The following SHPRH variants were observed in gnomAD, a reference collection of about 807,000 sequenced individuals.
The protein encoded by SHPRH is SNF2 histone linker PHD RING helicase.
Under a neutral mutation model 202.5 loss-of-function variants are expected in SHPRH, and 106 were observed. The observed-to-expected ratio is 0.52, with a 90% CI of 0.45 to 0.62. SHPRH has a LOEUF of 0.62. Ranked by LOEUF, SHPRH falls within the 20% of genes least tolerant of loss-of-function variation. The pLI is 0.00. For missense variants in SHPRH, 1,710 were observed against 2,020.0 expected (o/e 0.85, Z 2.94); for synonymous variants, 729 against 686.0 (o/e 1.06, Z -0.98).
In SHPRH at chr6:145,950,330, G is replaced by T. The variant is rs1787844956; in HGVS notation, c.916C>A (p.Pro306Thr). The T allele has an allele frequency of 1.2e-6, 2 of 1,613,070 alleles. No homozygotes were observed. Among genetic ancestry groups the T allele is most frequent in the Admixed American group, 3.3e-5 (2 of 59,890 alleles). ...QHPALIPVLR[P>T]YQREAVNWML... ...CAATTGACAGCCTCTCTTTGGTAGG[G>T]TCTCAACACAGGGATCAATGCAGGA... The change falls in exon 4 of 30, where the codon CCC becomes ACC. Residue 306 changes from proline (P) to threonine (T), a missense_variant. Pro to Thr is a conservative substitution (Grantham distance 38). Around this residue, in one of 8 missense-constraint regions of SHPRH, gnomAD observed 459 missense variants for 426.5 expected, o/e 1.08. Coordinates refer to ENST00000275233, the MANE Select transcript of SHPRH (RefSeq NM_001042683.3).
intron 2 of SHPRH, among the ~76,000 whole-genome samples, chr6:145,867,222 A>G (rs1464748469): frequency 6.6e-6 from 1 of 152,176 alleles, no homozygotes; most frequent in Admixed American, 6.5e-5. Flanking sequence ...CATCTTGTTC[A>G]TGAACATTAC....
At chr6:145,962,915 A>T (rs1272392209) in intron 1 of SHPRH, among the ~76,000 whole-genome samples, 3 of 152,210 alleles carry the variant, frequency 2.0e-5, no homozygotes, top group Non-Finnish European at 4.4e-5. Flanking sequence ...CATAAACTTT[A>T]AAAATGCCCT....
intron 11 of SHPRH, 173 bp from the exon 12 acceptor site, chr6:145,935,614 C>A: frequency 1.5e-6 from 1 of 650,034 alleles, no homozygotes; most frequent in Non-Finnish European, 2.5e-6. Context: ...ACTTATTGAG[C>A]ATCTATTCTG....
intron 21 of SHPRH, among the ~76,000 whole-genome samples, chr6:145,920,468 C>CA (rs1383169277): frequency 3.3e-5 from 5 of 152,010 alleles, no homozygotes; most frequent in Admixed American, 6.6e-5. Context: ...CAATTTATGA[C>CA]ATATGAACTG....
At position 145,922,686 on chromosome 6, in the gene SHPRH, T is replaced by C. The variant is rs770266846; in HGVS notation, c.3696A>G (p.Arg1232=). 2 of 1,608,780 alleles carry C rather than the reference T, an allele frequency of 1.2e-6. No individual in the cohort carries two copies. The highest frequency in any genetic ancestry group is 1.7e-6 in the Non-Finnish European group (2 of 1,177,600). Residue 1232 remains arginine, a synonymous_variant, in exon 19 of 30, where the codon CGA becomes CGG. Coordinates refer to ENST00000275233, the MANE Select transcript of SHPRH (RefSeq NM_001042683.3). ...VIESATVCHL[R]PARLPLNCCV... ...ACCAGTTGAGAGGAAGTCTGGCTGG[T>C]CGGAGGTGACAGACTGTTGCAGACT... is the stretch of plus-strand genomic sequence containing the variant.
intron 24 of SHPRH, among the ~76,000 whole-genome samples, chr6:145,912,945 T>C (rs1353548277): frequency 3.9e-5 from 6 of 152,120 alleles, no homozygotes; most frequent in Non-Finnish European, 8.8e-5. Context: ...ACCATGTTTA[T>C]AGACATTATG....
At chr6:145,949,902 A>G (rs1450041338) in intron 4 of SHPRH, among the ~76,000 whole-genome samples, 2 of 152,084 alleles carry the variant, frequency 1.3e-5, no homozygotes, top group African/African-American at 4.8e-5. Context: ...AACATTCACC[A>G]TTACATTGTG....
intron 28 of SHPRH, among the ~76,000 whole-genome samples, chr6:145,892,973 T>C (rs1781695553): frequency 6.6e-6 from 1 of 151,932 alleles, no homozygotes; most frequent in African/African-American, 2.4e-5. Flanking sequence ...AGAAAAAAAT[T>C]GGGACAATTT....
chr6:145,951,414 T>C (rs1470458418), intron 3 of SHPRH, among the ~76,000 whole-genome samples: 1 of 152,024 alleles, frequency 6.6e-6, no homozygotes, highest in Admixed American at 6.6e-5. Flanking sequence ...CCATGTAAAA[T>C]TTCCAAAACT....
intron 25 of SHPRH, chr6:145,905,559 C>A (rs756464848): frequency 6.6e-6 from 1 of 152,112 alleles, no homozygotes; most frequent in Non-Finnish European, 1.5e-5. Context: ...AACATACACA[C>A]ATCCTCCTGT....
chr6:145,919,510 C>T lies in SHPRH; in HGVS notation c.4009-19G>A. The T allele has an allele frequency of 6.2e-7, 1 of 1,610,678 alleles. No individual in the cohort carries two copies. Among genetic ancestry groups the T allele is most frequent in the Non-Finnish European group, 8.5e-7 (1 of 1,178,206 alleles). On this transcript the variant is annotated intron_variant, in intron 21 of 29. Transcript: ENST00000275233. ...GAAGCAACTGAAGGAATAGAAAAGA[C>T]AAACACAGTGGTAAAGCATGTAATT...
At chr6:145,932,272 C>A (rs1292584298) in intron 14 of SHPRH, among the ~76,000 whole-genome samples, 1 of 152,098 alleles carries the variant, frequency 6.6e-6, no homozygotes, top group Non-Finnish European at 1.5e-5. Context: ...TATAACTTTG[C>A]TTCCAGCCAA....
intron 28 of SHPRH, among the ~76,000 whole-genome samples, chr6:145,890,280 CTT>C (rs1314945891): frequency 1.3e-5 from 2 of 152,194 alleles, no homozygotes; most frequent in Non-Finnish European, 2.9e-5. Flanking sequence ...CCTAACCTCT[CTT>C]TGTTATACAA....
chr6:145,940,934 C>G (rs1035763001), intron 10 of SHPRH, 133 bp from the exon 11 acceptor site: 4 of 786,122 alleles, frequency 5.1e-6, no homozygotes, highest in Non-Finnish European at 8.4e-6. Context: ...TTTTATTTAA[C>G]AGTTATCACA....
At chr6:145,927,108 T>C in intron 15 of SHPRH, 81 bp downstream of exon 15, 1 of 1,265,538 alleles carries the variant, frequency 7.9e-7, no homozygotes, top group East Asian at 2.5e-5. Context: ...TTGTTACCAT[T>C]TATCCTCTTA....
At chr6:145,894,655 C>G (rs1285721486) in intron 26 of SHPRH, among the ~76,000 whole-genome samples, 1 of 151,772 alleles carries the variant, frequency 6.6e-6, no homozygotes, top group East Asian at 1.9e-4. Flanking sequence ...CTAAGAAAAT[C>G]CTTAAATGAA....
intron 2 of SHPRH, among the ~76,000 whole-genome samples, chr6:145,865,566 G>A (rs1779740407): frequency 1.3e-5 from 2 of 152,238 alleles, no homozygotes; most frequent in Non-Finnish European, 2.9e-5. Flanking sequence ...CTGTTTAGGA[G>A]ATTCCTGTCA....
intron 6 of SHPRH, 58 bp downstream of exon 6, chr6:145,947,435 C>T (rs781541865): frequency 5.3e-5 from 82 of 1,560,514 alleles, no homozygotes; most frequent in Non-Finnish European, 6.6e-5. Flanking sequence ...GTTCAACATA[C>T]GATGCTTTTC....
chr6:145,926,306 T>C lies in SHPRH; in HGVS notation c.3202-10A>G, dbSNP rs1784872696. 1 of 1,610,718 alleles carries C rather than the reference T, an allele frequency of 6.2e-7. No individual in the cohort carries two copies. Among genetic ancestry groups the C allele is most frequent in the Non-Finnish European group, 8.5e-7 (1 of 1,177,544 alleles). ...GGGTAGCATGAAGTCTCTACAAACA[T>C]ATCAAAGGCAGTAATTATGACAGTC... On this transcript the variant is annotated splice_polypyrimidine_tract_variant and intron_variant, in intron 15 of 29. Coordinates refer to ENST00000275233, the MANE Select transcript of SHPRH (RefSeq NM_001042683.3).
Sources: gnomAD v4.1 joint callset for allele counts (sites outside exome capture counted in the v4.1 genomes callset) on GRCh38, gnomAD v4.1.1 for gene constraint, gnomAD v4.1.1 regional missense constraint, MANE v1.5 for transcripts, NCBI Gene and HGNC (gene_info 2026-07-23, HGNC 2026-07-21) for gene names.